Variants in USP36 observed in about 807,000 individuals in gnomAD.
USP36 encodes the protein ubiquitin specific peptidase 36.
A neutral mutation model predicts 111.5 loss-of-function variants in USP36; 59 were observed. That is an observed-to-expected ratio of 0.53 (90% confidence interval 0.43 to 0.66). The LOEUF is 0.66. Ranked by LOEUF, USP36 falls within the 30% of genes least tolerant of loss-of-function variation. The pLI is 0.00. For missense variants in USP36, 1,488 were observed against 1,468.0 expected, an observed-to-expected ratio of 1.01 and a Z score of -0.22; for synonymous variants, 628 against 581.0, an observed-to-expected ratio of 1.08 and a Z score of -1.16.
intron 18 of USP36, 39 bp downstream of exon 18, chr17:78,799,628 A>C (rs367735053): frequency 2.4e-5 from 39 of 1,596,748 alleles, no homozygotes; most frequent in Non-Finnish European, 3.1e-5. Context: ...AAAACCAACC[A>C]ATGAAAGGCA....
At chr17:78,829,176 C>G (rs147624321) in intron 4 of USP36, among the ~76,000 whole-genome samples, 169 bp from the exon 5 acceptor site, 357 of 152,276 alleles carry the variant, frequency 2.3e-3, no homozygotes, top group Non-Finnish European at 3.8e-3. Flanking sequence ...GACTGGGTGA[C>G]CACCAAGGAA....
downstream of USP36, among the ~76,000 whole-genome samples, chr17:78,793,506 G>A (rs934887572): frequency 6.6e-6 from 1 of 152,198 alleles, no homozygotes. Flanking sequence ...GCCAAGGCGG[G>A]ATCTGCACGA....
chr17:78,813,680 T>A, intron 12 of USP36, 93 bp downstream of exon 12: 2 of 1,125,320 alleles, frequency 1.8e-6, no homozygotes, highest in Non-Finnish European at 2.6e-6. Context: ...GAATTCCCAA[T>A]TACCTTCAAA....
At chr17:78,833,458 C>A (rs1398634393) in intron 4 of USP36, among the ~76,000 whole-genome samples, 2 of 151,890 alleles carry the variant, frequency 1.3e-5, no homozygotes, top group Admixed American at 6.6e-5. Flanking sequence ...GTAGCAGTCA[C>A]TTCTATAGCA....
chr17:78,832,985 C>T (rs548565087), intron 4 of USP36, among the ~76,000 whole-genome samples: 6 of 152,166 alleles, frequency 3.9e-5, no homozygotes, highest in Non-Finnish European at 8.8e-5. Flanking sequence ...TTCGTCTCTA[C>T]TAAAAATACA....
intron 17 of USP36, among the ~76,000 whole-genome samples, chr17:78,801,116 A>T (rs1407101488): frequency 6.6e-6 from 1 of 151,920 alleles, no homozygotes; most frequent in Non-Finnish European, 1.5e-5. Flanking sequence ...AGCTGGGACT[A>T]GAGGCGCCCG....
At chr17:78,821,616 C>T (rs1196115870) in intron 7 of USP36, among the ~76,000 whole-genome samples, 2 of 151,290 alleles carry the variant, frequency 1.3e-5, no homozygotes, top group African/African-American at 2.4e-5. Context: ...TTAGTGGAGA[C>T]GGGGTTTCAC....
rs952381231 is a variant in USP36, at chr17:78,822,023, C to G, written c.690-19G>C. On this transcript the variant is annotated intron_variant, in intron 6 of 20. Transcript: ENST00000449938. ...ATCCAACCTGAAAAGGAGACCCCAG[C>G]CTTTAAGGGAAGGGCTCAGCAAGAT... 5 of 1,613,902 alleles carry G rather than the reference C, an allele frequency of 3.1e-6. No individual in the cohort carries two copies. The highest frequency in any genetic ancestry group is 4.2e-6 in the Non-Finnish European group (5 of 1,179,942).
At chr17:78,837,645 C>T (rs2068809130) in intron 2 of USP36, among the ~76,000 whole-genome samples, 2 of 152,158 alleles carry the variant, frequency 1.3e-5, no homozygotes, top group African/African-American at 4.8e-5. Flanking sequence ...CCCTACCCAC[C>T]ACCTCTCAAC....
Position 78,814,489 on chromosome 17 carries a change from C to CAGGATCACCAT in USP36, c.1076_1086dup (p.Val363MetfsTer29). The CAGGATCACCAT allele has an allele frequency of 1.9e-6, 3 of 1,614,206 alleles. No homozygotes were observed. The highest frequency in any genetic ancestry group is 2.5e-6 in the Non-Finnish European group (3 of 1,180,036). ...AGGACAGCATAGAGTCCATACATGA[C>CAGGATCACCAT]AGGATCACCATTATTCTGGGACATA... On this transcript the variant is annotated frameshift_variant, in exon 11 of 21. Coordinates refer to ENST00000449938, the MANE Select transcript of USP36 (RefSeq NM_001385174.1). LOFTEE classifies it high-confidence loss of function.
chr17:78,801,788 C>T (rs1409006099), intron 17 of USP36, among the ~76,000 whole-genome samples: 1 of 152,232 alleles, frequency 6.6e-6, no homozygotes, highest in Non-Finnish European at 1.5e-5. Context: ...GGGAGTCATT[C>T]CGTGAGAAGC....
intron 1 of USP36, among the ~76,000 whole-genome samples, chr17:78,839,199 A>G (rs1258592305): frequency 6.6e-6 from 1 of 152,160 alleles, no homozygotes; most frequent in African/African-American, 2.4e-5. Context: ...TGATTACATA[A>G]AATTAAGGTT....
At chr17:78,809,462 C>T (rs936354259) in intron 13 of USP36, among the ~76,000 whole-genome samples, 1 of 152,086 alleles carries the variant, frequency 6.6e-6, no homozygotes, top group Non-Finnish European at 1.5e-5. Flanking sequence ...TAGAGTAAAA[C>T]GGCTCGTCTG....
chr17:78,827,216 C>G, intron 6 of USP36, 29 bp downstream of exon 6: 2 of 1,248,258 alleles, frequency 1.6e-6, no homozygotes, highest in East Asian at 5.0e-5. Context: ...TGTCCAAAGC[C>G]CTGGGAGGGT....
chr17:78,827,468 G>A, intron 5 of USP36, 121 bp from the exon 6 acceptor site: 1 of 873,804 alleles, frequency 1.1e-6, no homozygotes, highest in South Asian at 1.8e-5. Flanking sequence ...CTTTTCAAAG[G>A]AACAAGTGAG....
chr17:78,818,999 A>G (rs2094253878), intron 9 of USP36: 2 of 466,586 alleles, frequency 4.3e-6, no homozygotes, highest in Admixed American at 3.4e-5. Flanking sequence ...GGAAGATTCT[A>G]AAGCAAAAAA....
Position 78,798,670 on chromosome 17 carries a change from C to G in USP36, c.3241-119G>C. 6.7e-7 allele frequency: 1 copy of G among 1,486,408 alleles called. No homozygotes were observed. The highest frequency in any genetic ancestry group is 9.1e-7 in the Non-Finnish European group (1 of 1,095,438). 92.1% of individuals were successfully genotyped at this position (1,486,408 alleles called of 1,614,324 possible). ...GGGCTCTCATGAGCTCTCTGGAGACCCACTCTTCACAATGACCCCTGTGCA... is the reference window on the plus strand; with the variant it reads ...GGGCTCTCATGAGCTCTCTGGAGACGCACTCTTCACAATGACCCCTGTGCA... On this transcript the variant is annotated intron_variant, in intron 19 of 20. Coordinates refer to ENST00000449938, the MANE Select transcript of USP36 (RefSeq NM_001385174.1). The surrounding 1 kb of genome is among the most constrained non-coding windows in gnomAD (Gnocchi z 5.1).
chr17:78,800,393 C>T (rs940905512), intron 17 of USP36, among the ~76,000 whole-genome samples: 1 of 152,246 alleles, frequency 6.6e-6, no homozygotes, highest in Admixed American at 6.5e-5. Context: ...CACAGGTCCA[C>T]CCAGCACCTC....
chr17:78,836,429 A>G (rs2068676669), intron 2 of USP36, 57 bp from the exon 3 acceptor site: 1 of 1,568,952 alleles, frequency 6.4e-7, no homozygotes, highest in Non-Finnish European at 8.6e-7. Context: ...GGACAAAAAC[A>G]TCTCTTAAGA....
Sources: gnomAD v4.1 joint callset for allele counts (sites outside exome capture counted in the v4.1 genomes callset) on GRCh38, gnomAD v4.1.1 for gene constraint, Gnocchi (gnomAD v3.1) non-coding constraint, MANE v1.5 for transcripts, NCBI Gene and HGNC (gene_info 2026-07-23, HGNC 2026-07-21) for gene names.